The following SPAG16 variants were observed in gnomAD, a reference collection of about 807,000 sequenced individuals.
SPAG16 encodes sperm-associated antigen 16 protein.
Under a neutral mutation model 80.4 loss-of-function variants are expected in SPAG16, and 86 were observed. That is an observed-to-expected ratio of 1.07 (90% CI 0.90 to 1.28). SPAG16 has a LOEUF of 1.28. Among genes scored for constraint, SPAG16 ranks in the 50% most tolerant of loss-of-function variants. SPAG16 has a pLI of 0.00. For synonymous variants in SPAG16, 294 were observed against 265.9 expected, an observed-to-expected ratio of 1.11 and a Z score of -1.03; for missense variants, 870 against 765.3, an observed-to-expected ratio of 1.14 and a Z score of -1.61.
chr2:213,618,167 G>T (rs751867709), intron 10 of SPAG16, among the ~76,000 whole-genome samples: 1 of 152,100 alleles, frequency 6.6e-6, no homozygotes, highest in African/African-American at 2.4e-5. Flanking sequence ...GGTTTCCATT[G>T]TCTGCCCTTG....
chr2:213,291,959 T>C (rs2062292264), intron 1 of SPAG16, among the ~76,000 whole-genome samples: 1 of 152,366 alleles, frequency 6.6e-6, no homozygotes, highest in East Asian at 1.9e-4. Flanking sequence ...TGTACTCTCT[T>C]AATCTTTTTT....
chr2:213,621,985 T>C (rs886479277), intron 10 of SPAG16, among the ~76,000 whole-genome samples: 7 of 152,180 alleles, frequency 4.6e-5, no homozygotes, highest in African/African-American at 1.7e-4. Flanking sequence ...AACTATAGCC[T>C]GTGGAGCTCC....
At chr2:213,358,474 T>A (rs913090373) in intron 7 of SPAG16, among the ~76,000 whole-genome samples, 3 of 152,230 alleles carry the variant, frequency 2.0e-5, no homozygotes, top group Non-Finnish European at 4.4e-5. Flanking sequence ...TCTTTTTCTC[T>A]AATCTTGTCT....
chr2:214,116,273 G>A (rs1409156278), intron 14 of SPAG16, among the ~76,000 whole-genome samples: 1 of 152,208 alleles, frequency 6.6e-6, no homozygotes, highest in Non-Finnish European at 1.5e-5. Flanking sequence ...CTTGGCACTA[G>A]CCTCCCTCAG....
chr2:214,040,457 A>T (rs143004830), intron 13 of SPAG16, among the ~76,000 whole-genome samples: 51 of 152,148 alleles, frequency 3.4e-4, no homozygotes, highest in Non-Finnish European at 6.3e-4. Flanking sequence ...ACCCTCCCAA[A>T]ATCCCCGGTG....
intron 5 of SPAG16, among the ~76,000 whole-genome samples, chr2:213,326,331 G>C (rs1412092558): frequency 6.6e-6 from 1 of 151,912 alleles, no homozygotes; most frequent in Admixed American, 6.6e-5. Flanking sequence ...TTCTATAAAA[G>C]GTCAAAGAGT....
chr2:213,566,470 G>A (rs887195045), intron 10 of SPAG16, among the ~76,000 whole-genome samples: 19 of 151,958 alleles, frequency 1.3e-4, no homozygotes, highest in African/African-American at 4.3e-4. Flanking sequence ...AATACAATTT[G>A]AGGAAAAAGG....
intron 6 of SPAG16, among the ~76,000 whole-genome samples, chr2:213,342,285 GTATA>G (rs199963967): frequency 1.4e-5 from 2 of 144,770 alleles, no homozygotes; most frequent in Non-Finnish European, 3.0e-5. Context: ...ACATACATAT[GTATA>G]TATATATGAC....
intron 12 of SPAG16, among the ~76,000 whole-genome samples, chr2:214,012,274 ATATATATATATATATTTTT>A (rs1464282130): frequency 6.8e-5 from 3 of 43,954 alleles, no homozygotes; most frequent in African/African-American, 2.7e-4. Context: ...ATATATATAT[ATATATATATATATATTTTT>A]TTTTTTTTTT....
intron 10 of SPAG16, among the ~76,000 whole-genome samples, chr2:213,603,740 A>G (rs916597616): frequency 1.3e-5 from 2 of 152,246 alleles, no homozygotes; most frequent in African/African-American, 4.8e-5. Flanking sequence ...TGTATAGAAT[A>G]AAATCCAAAC....
At chr2:213,851,461 T>TTG (rs1231499680) in intron 10 of SPAG16, among the ~76,000 whole-genome samples, 3 of 152,140 alleles carry the variant, frequency 2.0e-5, no homozygotes, top group Non-Finnish European at 4.4e-5. Context: ...TGAGCCAAGA[T>TTG]TGCGCCACTG....
chr2:214,223,096 C>T lies in SPAG16; in HGVS notation c.1720+73830C>T, dbSNP rs182540826. On this transcript the variant is annotated intron_variant, in intron 15 of 15. Transcript: ENST00000331683. ...CAGAAATCCCTGATAATCACAAACA[C>T]CTGCATTTTAAAAGATTTCCATTAT... Among the ~76,000 whole-genome samples the T allele has an allele frequency of 1.0e-3, 159 of 152,152 alleles. 2 individuals carry two copies. Among genetic ancestry groups the T allele is most frequent in the Admixed American group, 1.8e-3 (27 of 15,262 alleles).
intron 13 of SPAG16, among the ~76,000 whole-genome samples, chr2:214,085,314 G>T (rs553010741): frequency 6.6e-6 from 1 of 151,336 alleles, no homozygotes; most frequent in African/African-American, 2.4e-5. Context: ...GGAGGCTGCG[G>T]TGATCCAAGA....
intron 9 of SPAG16, among the ~76,000 whole-genome samples, chr2:213,447,612 C>T (rs1480334693): frequency 2.0e-5 from 3 of 152,308 alleles, no homozygotes; most frequent in East Asian, 1.9e-4. Flanking sequence ...GAACATCGGG[C>T]GTTCCCACCG....
At chr2:213,713,770 G>C (rs1160981413) in intron 10 of SPAG16, among the ~76,000 whole-genome samples, 2 of 152,096 alleles carry the variant, frequency 1.3e-5, no homozygotes, top group African/African-American at 2.4e-5. Flanking sequence ...TAGCTCTCAG[G>C]GTTTTTATAT....
chr2:213,981,037 C>A lies in SPAG16; in HGVS notation c.1401-32914C>A, dbSNP rs75863577. Among the ~76,000 whole-genome samples, 848 of 152,156 alleles carry A rather than the reference C, an allele frequency of 5.6e-3. 7 individuals carry two copies. The highest frequency in any genetic ancestry group is 0.02 in the African/African-American group (817 of 41,518). ...GCTTCAACAACAGAAATTTGTTTCT[C>A]ACAGTTCTAAAGGCTGGGAAGTTCG... On this transcript the variant is annotated intron_variant, in intron 12 of 15. Transcript: ENST00000331683.
chr2:213,711,366 G>A (rs1383746889), intron 10 of SPAG16, among the ~76,000 whole-genome samples: 1 of 151,942 alleles, frequency 6.6e-6, no homozygotes, highest in Non-Finnish European at 1.5e-5. Flanking sequence ...CAAAAGTTAT[G>A]CATGTTTACA....
chr2:213,520,324 C>T (rs377370612), intron 10 of SPAG16, among the ~76,000 whole-genome samples: 9 of 152,092 alleles, frequency 5.9e-5, no homozygotes, highest in Admixed American at 2.6e-4. Context: ...TGGTGGCTCA[C>T]GCCTGTAATC....
rs757150530 is a variant in SPAG16 at position 213,284,609 on chromosome 2, C to T, written c.126C>T (p.Tyr42=). The change falls in exon 1 of 16, where the codon TAC becomes TAT. Residue 42 remains tyrosine, a synonymous_variant. Coordinates refer to ENST00000331683, the MANE Select transcript of SPAG16 (RefSeq NM_024532.5). The part of the protein sequence containing the change: ...TADAVAAEGA[Y]YLEQVTITEA... ...ACGCGGTGGCGGCTGAGGGCGCCTA[C>T]TACCTGGAACGTATCCTTCCCGTGG... The T allele has an allele frequency of 1.9e-6, 3 of 1,609,452 alleles. No homozygotes were observed. Among genetic ancestry groups the T allele is most frequent in the Non-Finnish European group, 2.5e-6 (3 of 1,178,738 alleles).
Sources: gnomAD v4.1 joint callset for allele counts (sites outside exome capture counted in the v4.1 genomes callset) on GRCh38, gnomAD v4.1.1 for gene constraint, MANE v1.5 for transcripts, NCBI Gene and HGNC (gene_info 2026-07-23, HGNC 2026-07-21) for gene names.